MAF: variants seen among roughly 807,000 people sequenced by gnomAD.
MAF encodes the protein MAF bZIP transcription factor.
In MAF, 10 loss-of-function variants were observed where a neutral mutation model predicts 22.0. The observed-to-expected ratio is 0.45, with a 90% CI of 0.28 to 0.77. The LOEUF is 0.77. MAF is among the 30% of genes least tolerant of loss of function. The pLI is 0.12. For missense variants in MAF, 544 were observed against 548.4 expected, an observed-to-expected ratio of 0.99 and a Z score of 0.08; for synonymous variants, 337 against 255.8, an observed-to-expected ratio of 1.32 and a Z score of -3.03.
At chr16:79,257,019 A>C in the MAF span, among the ~76,000 whole-genome samples, 1 of 152,146 alleles carries the variant, frequency 6.6e-6, no homozygotes, top group African/African-American at 2.4e-5. Context: ...TCTACTAAAA[A>C]TACAAAAATT....
At chr16:79,305,193 G>C in the MAF span, among the ~76,000 whole-genome samples, 1 of 152,210 alleles carries the variant, frequency 6.6e-6, no homozygotes, top group Non-Finnish European at 1.5e-5. Flanking sequence ...GTCATCCGGG[G>C]CAGGTGAACT....
chr16:79,554,164 GT>G, the MAF span, among the ~76,000 whole-genome samples: 95 of 152,210 alleles, frequency 6.2e-4, no homozygotes, highest in African/African-American at 2.2e-3. Context: ...TGATTCTAAA[GT>G]GCTGTTCACT....
At chr16:79,469,071 C>T in the MAF span, among the ~76,000 whole-genome samples, 11 of 152,162 alleles carry the variant, frequency 7.2e-5, no homozygotes, top group Admixed American at 6.5e-4. Flanking sequence ...ATCATGTGTC[C>T]CAAGTGCCCA....
At chr16:79,211,584 T>TTGTC in the MAF span, 20 of 1,613,974 alleles carry the variant, frequency 1.2e-5, no homozygotes, top group South Asian at 1.5e-4. Flanking sequence ...AAATTTTTTT[T>TTGTC]TGTCTTTCTT....
the MAF span, among the ~76,000 whole-genome samples, chr16:79,216,733 T>C: frequency 1.6e-4 from 25 of 152,284 alleles, no homozygotes; most frequent in African/African-American, 5.1e-4. Flanking sequence ...CCATAGTAAG[T>C]TGAGGAGCCT....
chr16:79,237,552 C>A, the MAF span, among the ~76,000 whole-genome samples: 1 of 152,098 alleles, frequency 6.6e-6, no homozygotes, highest in South Asian at 2.1e-4. Flanking sequence ...CACTTTCACA[C>A]ACCTCCTGGC....
the MAF span, chr16:79,212,268 A>G: frequency 1.6e-6 from 2 of 1,263,746 alleles, no homozygotes; most frequent in Admixed American, 2.9e-5. Context: ...TGTTTCATTC[A>G]TCCTGACCAA....
the MAF span, among the ~76,000 whole-genome samples, chr16:79,296,917 G>C: frequency 6.6e-6 from 1 of 152,180 alleles, no homozygotes; most frequent in Admixed American, 6.5e-5. Context: ...ACTCTCCTCT[G>C]TGCGGGCACA....
the MAF span, among the ~76,000 whole-genome samples, chr16:79,525,531 GGAGA>G: frequency 9.2e-5 from 14 of 152,236 alleles, no homozygotes; most frequent in South Asian, 2.9e-3. Flanking sequence ...CATTATTCTA[GGAGA>G]GAGAGGAAAA....
the MAF span, among the ~76,000 whole-genome samples, chr16:79,340,547 A>G: frequency 1.3e-5 from 2 of 151,834 alleles, no homozygotes; most frequent in Admixed American, 6.5e-5. Context: ...AATTTTTCAC[A>G]CTTGCCACTC....
At chr16:79,502,518 T>A in the MAF span, among the ~76,000 whole-genome samples, 1 of 151,030 alleles carries the variant, frequency 6.6e-6, no homozygotes, top group Non-Finnish European at 1.5e-5. Flanking sequence ...ATACAAAAAT[T>A]AGCTGAGCGT....
chr16:79,492,965 C>T, the MAF span, among the ~76,000 whole-genome samples: 1 of 148,728 alleles, frequency 6.7e-6, no homozygotes, highest in African/African-American at 2.5e-5. Flanking sequence ...TTTTCTTTTT[C>T]TTTTTTTTTT....
At chr16:79,550,615 T>C in the MAF span, among the ~76,000 whole-genome samples, 1 of 152,102 alleles carries the variant, frequency 6.6e-6, no homozygotes, top group Non-Finnish European at 1.5e-5. Flanking sequence ...GCAGACAGGA[T>C]CATCCTCATG....
At chr16:79,480,712 G>A in the MAF span, among the ~76,000 whole-genome samples, 1 of 152,162 alleles carries the variant, frequency 6.6e-6, no homozygotes, top group Non-Finnish European at 1.5e-5. Flanking sequence ...CTGGAGGTGT[G>A]GGGTCAGAGT....
chr16:79,455,748 C>T, the MAF span, among the ~76,000 whole-genome samples: 5 of 152,156 alleles, frequency 3.3e-5, no homozygotes, highest in Non-Finnish European at 7.4e-5. Context: ...CTGGGCATGG[C>T]GGCTCATGCC....
the MAF span, among the ~76,000 whole-genome samples, chr16:79,462,526 T>A: frequency 1.3e-5 from 2 of 152,352 alleles, no homozygotes; most frequent in African/African-American, 4.8e-5. Flanking sequence ...TGGACTCACC[T>A]CTTGCCAAGG....
At chr16:79,381,379 T>G in the MAF span, among the ~76,000 whole-genome samples, 1 of 152,206 alleles carries the variant, frequency 6.6e-6, no homozygotes, top group African/African-American at 2.4e-5. Context: ...TCTTTAAGGC[T>G]GATACGAAGC....
At chr16:79,398,895 C>T in the MAF span, among the ~76,000 whole-genome samples, 1 of 152,188 alleles carries the variant, frequency 6.6e-6, no homozygotes, top group African/African-American at 2.4e-5. Flanking sequence ...AGGAATACAT[C>T]CTAGCCCCAT....
chr16:79,563,756 CACACACAA>C, the MAF span, among the ~76,000 whole-genome samples: 193 of 130,174 alleles, frequency 1.5e-3, 1 homozygote, highest in African/African-American at 5.0e-3. Flanking sequence ...CACACACACA[CACACACAA>C]ACACACACAC....
Sources: allele counts gnomAD v4.1 joint callset (sites outside exome capture counted in the v4.1 genomes callset), GRCh38; gene constraint gnomAD v4.1.1; transcripts MANE v1.5; gene names NCBI Gene and HGNC (gene_info 2026-07-23, HGNC 2026-07-21).